FAM171A1: variants seen among roughly 807,000 people sequenced by gnomAD.
The protein encoded by FAM171A1 is protein FAM171A1.
A neutral mutation model predicts 74.9 loss-of-function variants in FAM171A1; 23 were observed. That is an observed-to-expected ratio of 0.31 (90% CI 0.22 to 0.44). FAM171A1 has a LOEUF of 0.44. Among genes scored for constraint, FAM171A1 ranks in the 20% least tolerant of loss-of-function variants. The pLI, the probability that FAM171A1 is intolerant of heterozygous loss-of-function variation, is 1.00. For missense variants in FAM171A1, 1,162 were observed against 1,159.2 expected (o/e 1.00, Z -0.03); for synonymous variants, 527 against 505.7 (o/e 1.04, Z -0.57).
At chr10:15,356,103 C>T (rs1835928989) in intron 1 of FAM171A1, among the ~76,000 whole-genome samples, 1 of 151,994 alleles carries the variant, frequency 6.6e-6, no homozygotes, top group Non-Finnish European at 1.5e-5. Context: ...AGTGAAACCT[C>T]AACTTTGGTT....
Position 15,254,708 on chromosome 10 carries a change from A to T in FAM171A1, c.577+13T>A, listed in dbSNP as rs3780930. On this transcript the variant is annotated intron_variant, in intron 4 of 7. Transcript: ENST00000378116. Reference sequence around the variant, plus strand: ...CAGTAACTCCCACTGAAAAGAGAAAAGACTCCAATTACCTGTTCCATTTCC... The same window carrying T: ...CAGTAACTCCCACTGAAAAGAGAAATGACTCCAATTACCTGTTCCATTTCC... 1 of 1,610,344 alleles carries T rather than the reference A, an allele frequency of 6.2e-7. No homozygotes were observed. Among genetic ancestry groups the T allele is most frequent in the African/African-American group, 1.3e-5 (1 of 74,632 alleles).
In FAM171A1 at chr10:15,228,047, G is replaced by A. The variant is rs747609313; in HGVS notation, c.755-6987C>T. On this transcript the variant is annotated intron_variant, in intron 5 of 7. Coordinates refer to ENST00000378116, the MANE Select transcript of FAM171A1 (RefSeq NM_001010924.2). ...AAGATTTAACAAATGGCCATCAAAA[G>A]AGAAAAGAACTCTAAAGTATGAAAA... Among the ~76,000 whole-genome samples, 209 of 152,182 alleles carry A rather than the reference G, an allele frequency of 1.4e-3. 1 individual carries two copies. Among genetic ancestry groups the A allele is most frequent in the Non-Finnish European group, 4.6e-4 (31 of 68,008 alleles).
chr10:15,269,801 C>G (rs535059701), intron 3 of FAM171A1, among the ~76,000 whole-genome samples: 4 of 152,312 alleles, frequency 2.6e-5, no homozygotes, highest in Admixed American at 2.0e-4. Flanking sequence ...CACACACTTA[C>G]AGTGAACTGA....
chr10:15,213,664 C>A lies in FAM171A1; in HGVS notation c.1924G>T (p.Ala642Ser), dbSNP rs866229623. The change falls in exon 8 of 8, where the codon GCC becomes TCC. Residue 642 changes from alanine to serine, a missense_variant. Ala to Ser is a moderately conservative substitution (Grantham distance 99). Coordinates refer to ENST00000378116, the MANE Select transcript of FAM171A1 (RefSeq NM_001010924.2). This position sits in a 1 kb window ranked among gnomAD's most constrained non-coding sequence, Gnocchi z 6.8. ...TCCTGCAGGTGCTGCTGAGAGATGGCCTGGGAAGACAGGGGCTGGGGCTGG... is the reference window on the plus strand; with the variant it reads ...TCCTGCAGGTGCTGCTGAGAGATGGACTGGGAAGACAGGGGCTGGGGCTGG... ...QIQPQPLSSQAISQQHLQDAG... is the reference protein window; with the variant it reads ...QIQPQPLSSQSISQQHLQDAG... 6.2e-7 allele frequency: 1 copy of A among 1,613,340 alleles called. No individual in the cohort carries two copies. The highest frequency in any genetic ancestry group is 1.3e-5 in the African/African-American group (1 of 74,912).
chr10:15,215,999 C>G lies in FAM171A1; in HGVS notation c.983G>C (p.Cys328Ser). 1 of 1,591,056 alleles carries G rather than the reference C, an allele frequency of 6.3e-7. No homozygotes were observed. The highest frequency in any genetic ancestry group is 8.5e-7 in the Non-Finnish European group (1 of 1,171,108). ...TGCCAAAATGGTAACACTTTACCTG[C>G]AATAATATAAAAGGAGACACAGCAA... ...LVLLCLLLYY[C>S]RRKCLKPRQH... is the part of the protein sequence containing the mutation. The change falls in exon 7 of 8, where the codon TGC becomes TCC. Residue 328 changes from cysteine (C) to serine (S), a missense_variant. Coordinates refer to ENST00000378116, the MANE Select transcript of FAM171A1 (RefSeq NM_001010924.2).
rs370492329 is a variant in FAM171A1, at chr10:15,337,479, T to A, written c.97+33477A>T. 5.1e-3 allele frequency among the ~76,000 whole-genome samples: 777 copies of A among 150,882 alleles called. 6 individuals carry two copies. Among genetic ancestry groups the A allele is most frequent in the African/African-American group, 0.017 (720 of 41,446 alleles). ...GGGGCCGGGTGCGGTGGCTCCCGCC[T>A]GTAATCCCAGCACTTTAATAAGCAG... On this transcript the variant is annotated intron_variant, in intron 1 of 7. Transcript: ENST00000378116.
intron 6 of FAM171A1, among the ~76,000 whole-genome samples, chr10:15,220,062 T>C (rs1313593566): frequency 6.6e-6 from 1 of 152,248 alleles, no homozygotes; most frequent in Non-Finnish European, 1.5e-5. Flanking sequence ...TGAACTTGCA[T>C]TTTAGAACTG....
chr10:15,267,094 G>C (rs1834754022), intron 3 of FAM171A1, among the ~76,000 whole-genome samples: 2 of 152,150 alleles, frequency 1.3e-5, no homozygotes, highest in Non-Finnish European at 2.9e-5. Flanking sequence ...CCGAAATCTG[G>C]CTCCAATCCT....
At chr10:15,356,958 G>A (rs1262123791) in intron 1 of FAM171A1, among the ~76,000 whole-genome samples, 1 of 151,608 alleles carries the variant, frequency 6.6e-6, no homozygotes, top group Non-Finnish European at 1.5e-5. Context: ...GCAACAGAGT[G>A]AGGCTGTCTC....
At chr10:15,250,542 G>A (rs1009393317) in intron 4 of FAM171A1, among the ~76,000 whole-genome samples, 2 of 152,240 alleles carry the variant, frequency 1.3e-5, no homozygotes, top group Non-Finnish European at 2.9e-5. Context: ...CAGGTTGCTT[G>A]AGCCCAGGAG....
chr10:15,327,717 C>T (rs1835573340), intron 1 of FAM171A1, among the ~76,000 whole-genome samples: 2 of 151,978 alleles, frequency 1.3e-5, no homozygotes, highest in Non-Finnish European at 2.9e-5. Context: ...ATAAGCTAAA[C>T]ATTGAGAACA....
At position 15,213,373 on chromosome 10, in the gene FAM171A1, T is replaced by C; in HGVS notation, c.2215A>G (p.Ser739Gly). Reference protein sequence around the residue: ...RAGRNGSNDASLDSGVDMNEP... With the variant: ...RAGRNGSNDAGLDSGVDMNEP... The stretch of plus-strand genomic sequence containing the variant: ...TTCATATCTACGCCAGAGTCCAAAC[T>C]GGCATCATTACTTCCGTTCCTTCCA... Residue 739 changes from serine (S) to glycine (G), a missense_variant, in exon 8 of 8, where the codon AGT (serine) becomes GGT (glycine). By Grantham distance (56) the Ser-to-Gly change is moderately conservative. Transcript: ENST00000378116. This position sits in a 1 kb window ranked among gnomAD's most constrained non-coding sequence, Gnocchi z 6.8. 6.2e-7 allele frequency: 1 copy of C among 1,614,214 alleles called. No homozygotes were observed. Among genetic ancestry groups the C allele is most frequent in the Non-Finnish European group, 8.5e-7 (1 of 1,180,042 alleles).
chr10:15,349,225 G>C (rs1190392175), intron 1 of FAM171A1, among the ~76,000 whole-genome samples: 2 of 152,196 alleles, frequency 1.3e-5, no homozygotes, highest in African/African-American at 4.8e-5. Flanking sequence ...AACAGGGCTA[G>C]AGGTACACAC....
At chr10:15,223,308 G>A (rs1383668226) in intron 5 of FAM171A1, among the ~76,000 whole-genome samples, 5 of 152,182 alleles carry the variant, frequency 3.3e-5, no homozygotes, top group South Asian at 2.1e-4. Flanking sequence ...TGACTTACAC[G>A]TCGTATCCCC....
At chr10:15,350,093 T>C (rs1835860568) in intron 1 of FAM171A1, among the ~76,000 whole-genome samples, 2 of 152,080 alleles carry the variant, frequency 1.3e-5, no homozygotes, top group African/African-American at 2.4e-5. Flanking sequence ...CCCCTACACG[T>C]GATGCCCCCG....
upstream of FAM171A1, among the ~76,000 whole-genome samples, chr10:15,372,987 C>T (rs1836167891): frequency 6.6e-6 from 1 of 152,130 alleles, no homozygotes; most frequent in Non-Finnish European, 1.5e-5. Context: ...GCTTCCAGAA[C>T]ACCAGGCCAG....
At chr10:15,299,526 C>T (rs1371587168) in intron 1 of FAM171A1, among the ~76,000 whole-genome samples, 1 of 151,292 alleles carries the variant, frequency 6.6e-6, no homozygotes, top group Non-Finnish European at 1.5e-5. Flanking sequence ...AGGGCTGGGA[C>T]AAGAGCAAAA....
intron 1 of FAM171A1, among the ~76,000 whole-genome samples, chr10:15,290,215 GAA>G (rs1251277955): frequency 7.1e-6 from 1 of 141,160 alleles, no homozygotes. Flanking sequence ...ATGACAGAGT[GAA>G]AAAAAAAAAG....
chr10:15,222,359 C>T (rs976076930), intron 5 of FAM171A1, among the ~76,000 whole-genome samples: 2 of 152,172 alleles, frequency 1.3e-5, no homozygotes, highest in African/African-American at 2.4e-5. Flanking sequence ...GGTACTGCCT[C>T]CTACACACCT....
Sources: gnomAD v4.1 joint callset for allele counts (sites outside exome capture counted in the v4.1 genomes callset) on GRCh38, gnomAD v4.1.1 for gene constraint, Gnocchi (gnomAD v3.1) non-coding constraint, MANE v1.5 for transcripts, NCBI Gene and HGNC (gene_info 2026-07-23, HGNC 2026-07-21) for gene names.